Variants in DRC11 observed in about 807,000 individuals in gnomAD.
DRC11 encodes the protein IQ and AAA domain-containing protein 1.
chr2:236,328,167 A>G, the DRC11 span, among the ~76,000 whole-genome samples: 1 of 152,194 alleles, frequency 6.6e-6, no homozygotes, highest in Middle Eastern at 3.4e-3. This position sits in a 1 kb window ranked among gnomAD's most constrained non-coding sequence, Gnocchi z 6.7. Context: ...CTTGTGGCTC[A>G]TAATTTTTTA....
chr2:236,418,675 G>T, the DRC11 span, among the ~76,000 whole-genome samples: 1 of 152,304 alleles, frequency 6.6e-6, no homozygotes. Flanking sequence ...TGTGAACTCT[G>T]ATTTCCTTTG....
At chr2:236,443,207 C>T in the DRC11 span, among the ~76,000 whole-genome samples, 1 of 152,264 alleles carries the variant, frequency 6.6e-6, no homozygotes, top group Non-Finnish European at 1.5e-5. This position sits in a 1 kb window ranked among gnomAD's most constrained non-coding sequence, Gnocchi z 4.4. Context: ...TTGTGGGGTA[C>T]ATGAGCAGGA....
the DRC11 span, among the ~76,000 whole-genome samples, chr2:236,308,348 G>A: frequency 5.9e-5 from 9 of 152,258 alleles, no homozygotes; most frequent in African/African-American, 1.4e-4. The surrounding 1 kb of genome is among the most constrained non-coding windows in gnomAD (Gnocchi z 6.0). Flanking sequence ...GCAGGAGGCC[G>A]TGTCCCCTGG....
At chr2:236,391,630 T>C in the DRC11 span, among the ~76,000 whole-genome samples, 236 of 152,332 alleles carry the variant, frequency 1.5e-3, 1 homozygote, top group African/African-American at 5.5e-3. This position sits in a 1 kb window ranked among gnomAD's most constrained non-coding sequence, Gnocchi z 4.5. Context: ...ACCATTGGCC[T>C]CCCTTATAGA....
chr2:236,429,492 G>T, the DRC11 span, among the ~76,000 whole-genome samples: 17 of 152,134 alleles, frequency 1.1e-4, no homozygotes, highest in Admixed American at 5.2e-4. The surrounding 1 kb of genome is among the most constrained non-coding windows in gnomAD (Gnocchi z 5.9). Flanking sequence ...TCATCTAGTT[G>T]TGGGGGCCAG....
chr2:236,410,450 C>T, the DRC11 span, among the ~76,000 whole-genome samples: 1 of 151,518 alleles, frequency 6.6e-6, no homozygotes, highest in Non-Finnish European at 1.5e-5. Flanking sequence ...GAATCAATAT[C>T]GTGAAAATGG....
At chr2:236,417,161 T>C in the DRC11 span, among the ~76,000 whole-genome samples, 3 of 152,142 alleles carry the variant, frequency 2.0e-5, no homozygotes, top group African/African-American at 4.8e-5. Context: ...TGAGCCACCA[T>C]GCCCAGCCAA....
At chr2:236,324,770 T>C in the DRC11 span, 11 of 1,602,672 alleles carry the variant, frequency 6.9e-6, no homozygotes, top group Non-Finnish European at 8.5e-6. The surrounding 1 kb of genome is among the most constrained non-coding windows in gnomAD (Gnocchi z 5.7). Context: ...CAGAGGAGTT[T>C]TGGCATACCA....
At chr2:236,307,286 C>T in the DRC11 span, among the ~76,000 whole-genome samples, 8 of 152,128 alleles carry the variant, frequency 5.3e-5, no homozygotes, top group Admixed American at 4.6e-4. This position sits in a 1 kb window ranked among gnomAD's most constrained non-coding sequence, Gnocchi z 7.0. Flanking sequence ...CTCAAGCAGA[C>T]CCCCTGGCTC....
the DRC11 span, among the ~76,000 whole-genome samples, chr2:236,349,853 C>T: frequency 6.6e-6 from 1 of 152,146 alleles, no homozygotes; most frequent in Non-Finnish European, 1.5e-5. This position sits in a 1 kb window ranked among gnomAD's most constrained non-coding sequence, Gnocchi z 5.5. Flanking sequence ...AACAAACCTG[C>T]ACACACACCC....
the DRC11 span, among the ~76,000 whole-genome samples, chr2:236,434,188 A>G: frequency 1.3e-5 from 2 of 152,346 alleles, no homozygotes; most frequent in African/African-American, 4.8e-5. The surrounding 1 kb of genome is among the most constrained non-coding windows in gnomAD (Gnocchi z 5.5). Flanking sequence ...GTTAATACTC[A>G]TAAGGGAGAC....
chr2:236,357,389 A>G, the DRC11 span, among the ~76,000 whole-genome samples: 1 of 93,196 alleles, frequency 1.1e-5, no homozygotes, highest in Non-Finnish European at 2.0e-5. Context: ...TAGTATAGAT[A>G]TTATATAGTA....
the DRC11 span, among the ~76,000 whole-genome samples, chr2:236,336,661 T>G: frequency 6.6e-6 from 1 of 152,136 alleles, no homozygotes. The surrounding 1 kb of genome is among the most constrained non-coding windows in gnomAD (Gnocchi z 7.3). Flanking sequence ...CCACCCCTAC[T>G]GCCAGCAAGC....
chr2:236,425,267 A>G, the DRC11 span, among the ~76,000 whole-genome samples: 1 of 151,942 alleles, frequency 6.6e-6, no homozygotes, highest in Non-Finnish European at 1.5e-5. Context: ...GTTAATTTAC[A>G]TTCCCACCAA....
the DRC11 span, among the ~76,000 whole-genome samples, chr2:236,423,968 G>A: frequency 4.0e-5 from 6 of 148,186 alleles, no homozygotes; most frequent in South Asian, 2.1e-4. Flanking sequence ...ACCAAACACC[G>A]CATGTTCTCA....
At chr2:236,491,194 ATATATATATATATATATACACACAG>A in the DRC11 span, among the ~76,000 whole-genome samples, 16 of 63,302 alleles carry the variant, frequency 2.5e-4, no homozygotes, top group Admixed American at 4.9e-4. Context: ...CACAGTATAT[ATATATATATATATATATACACACAG>A]TATATATATA....
chr2:236,454,856 C>T, the DRC11 span: 1 of 152,302 alleles, frequency 6.6e-6, no homozygotes, highest in Non-Finnish European at 1.5e-5. The surrounding 1 kb of genome is among the most constrained non-coding windows in gnomAD (Gnocchi z 5.3). Flanking sequence ...CTCAATCTGC[C>T]AGTAACTAGG....
chr2:236,474,774 T>C, the DRC11 span, among the ~76,000 whole-genome samples: 1 of 152,152 alleles, frequency 6.6e-6, no homozygotes, highest in South Asian at 2.1e-4. Context: ...GGGAAAAATT[T>C]ATGAAACTCT....
At chr2:236,336,772 G>A in the DRC11 span, among the ~76,000 whole-genome samples, 6 of 151,978 alleles carry the variant, frequency 3.9e-5, no homozygotes, top group Admixed American at 1.3e-4. The surrounding 1 kb of genome is among the most constrained non-coding windows in gnomAD (Gnocchi z 7.3). Context: ...AGTCCTCACC[G>A]CTCCCCGCCA....
Sources: allele counts gnomAD v4.1 joint callset (sites outside exome capture counted in the v4.1 genomes callset), GRCh38; gene constraint gnomAD v4.1.1; non-coding constraint Gnocchi (gnomAD v3.1); transcripts MANE v1.5; gene names NCBI Gene and HGNC (gene_info 2026-07-23, HGNC 2026-07-21).